Variants in CHD7 observed in about 807,000 individuals in gnomAD.
CHD7 encodes chromodomain helicase DNA binding protein 7, also known as ATP-dependent chromatin remodeler CHD7.
A neutral mutation model predicts 307.3 loss-of-function variants in CHD7; 24 were observed. The observed-to-expected ratio is 0.08, with a 90% CI of 0.06 to 0.11. CHD7 has a LOEUF of 0.11. Among genes scored for constraint, CHD7 ranks in the 10% least tolerant of loss-of-function variants. The pLI is 1.00. For missense variants in CHD7, 3,106 were observed against 3,727.1 expected, an observed-to-expected ratio of 0.83 and a Z score of 4.34; for synonymous variants, 1,363 against 1,349.9, an observed-to-expected ratio of 1.01 and a Z score of -0.21.
intron 2 of CHD7, among the ~76,000 whole-genome samples, chr8:60,774,251 T>G (rs980818510): frequency 6.6e-6 from 1 of 152,186 alleles, no homozygotes; most frequent in Non-Finnish European, 1.5e-5. Context: ...TGTGTAACTT[T>G]GGGTAAATTA....
chr8:60,712,586 T>C (rs1234102571), intron 1 of CHD7, among the ~76,000 whole-genome samples: 4 of 152,214 alleles, frequency 2.6e-5, no homozygotes, highest in African/African-American at 7.2e-5. Flanking sequence ...CCAGGTAGTA[T>C]AGTATTTTAT....
At chr8:60,740,486 A>C (rs1272308201) in intron 1 of CHD7, among the ~76,000 whole-genome samples, 1 of 152,208 alleles carries the variant, frequency 6.6e-6, no homozygotes, top group Non-Finnish European at 1.5e-5. Context: ...GTCAGTGCAG[A>C]CTGGGACCAT....
intron 1 of CHD7, among the ~76,000 whole-genome samples, chr8:60,707,924 C>T (rs1226034254): frequency 6.6e-6 from 1 of 152,100 alleles, no homozygotes; most frequent in African/African-American, 2.4e-5. Context: ...AATAAAATGC[C>T]GTGTATGTCT....
At chr8:60,814,339 C>T (rs1803626274) in intron 7 of CHD7, among the ~76,000 whole-genome samples, 1 of 152,234 alleles carries the variant, frequency 6.6e-6, no homozygotes, top group Admixed American at 6.5e-5. Context: ...AAGGCTTTTG[C>T]ACCTCAGCCA....
At chr8:60,751,430 A>G (rs1262509447) in intron 2 of CHD7, among the ~76,000 whole-genome samples, 1 of 152,222 alleles carries the variant, frequency 6.6e-6, no homozygotes, top group Admixed American at 6.5e-5. Flanking sequence ...GAAGTGGGTT[A>G]GGGGGACAAT....
rs769587871 is a variant in CHD7 at position 60,861,077 on chromosome 8, G to T, written c.7782G>T (p.Trp2594Cys). Reference sequence around the variant, plus strand: ...CTAAAAATAAGGATTTAGTTGAATGGCTGAAGCTGCACCCTACTTACACTG... The same window carrying T: ...CTAAAAATAAGGATTTAGTTGAATGTCTGAAGCTGCACCCTACTTACACTG... ...DAPKNKDLVE[W>C]LKLHPTYTVD... Residue 2594 changes from tryptophan (W) to cysteine (C), a missense_variant, in exon 35 of 38, where the codon TGG (tryptophan) becomes TGT (cysteine). Transcript: ENST00000423902. 1 of 1,611,312 alleles carries T rather than the reference G, an allele frequency of 6.2e-7. No individual in the cohort carries two copies. The highest frequency in any genetic ancestry group is 1.1e-5 in the South Asian group (1 of 90,510).
At chr8:60,818,285 A>G (rs1227733272) in intron 8 of CHD7, among the ~76,000 whole-genome samples, 1 of 152,238 alleles carries the variant, frequency 6.6e-6, no homozygotes, top group Admixed American at 6.5e-5. Flanking sequence ...AAAAATGTCT[A>G]TTCAAAAACA....
chr8:60,862,837 A>AT, intron 37 of CHD7, 185 bp downstream of exon 37: 1 of 511,960 alleles, frequency 2.0e-6, no homozygotes, highest in Non-Finnish European at 3.3e-6. Flanking sequence ...AAGTGAATTC[A>AT]TTTATCAGCT....
intron 13 of CHD7, among the ~76,000 whole-genome samples, chr8:60,826,854 A>G (rs988629258): frequency 1.3e-5 from 2 of 152,200 alleles, no homozygotes; most frequent in African/African-American, 4.8e-5. Flanking sequence ...TCTGCTTAAA[A>G]TGAAATTAAA....
chr8:60,687,486 T>C (rs1805967339), intron 1 of CHD7, among the ~76,000 whole-genome samples: 1 of 152,244 alleles, frequency 6.6e-6, no homozygotes, highest in Non-Finnish European at 1.5e-5. Context: ...GAAATTTTGC[T>C]TTCATTAATC....
Position 60,852,186 on chromosome 8 carries a change from C to G in CHD7, c.5833C>G (p.Arg1945Gly), listed in dbSNP as rs757160222. 9 of 1,613,782 alleles carry G rather than the reference C, an allele frequency of 5.6e-6. No homozygotes were observed. In the Admixed American group the frequency reaches 1.2e-4, roughly 21 times the overall value. ...GACTGACCGGCGCAGACGGCGGCCTCGAGAGGAAGTGAGAGCTCTGGAAGC... is the reference window on the plus strand; with the variant it reads ...GACTGACCGGCGCAGACGGCGGCCTGGAGAGGAAGTGAGAGCTCTGGAAGC... ...MKTDRRRRRP[R>G]EEVRALEAER... The change falls in exon 29 of 38, where the codon CGA becomes GGA. Residue 1945 changes from arginine (R) to glycine (G), a missense_variant. By Grantham distance (125) the Arg-to-Gly change is moderately radical (BLOSUM62 -2). Around this residue, in one of 10 missense-constraint regions of CHD7, gnomAD observed 1,030 missense variants for 1,165.4 expected, o/e 0.88. Coordinates refer to ENST00000423902, the MANE Select transcript of CHD7 (RefSeq NM_017780.4).
rs1273756434 is a variant in CHD7 at position 60,865,220 on chromosome 8, C to G, written c.8281C>G (p.Leu2761Val). 1 of 1,609,120 alleles carries G rather than the reference C, an allele frequency of 6.2e-7. No individual in the cohort carries two copies. Among genetic ancestry groups the G allele is most frequent in the Non-Finnish European group, 8.5e-7 (1 of 1,177,820 alleles). The change falls in exon 38 of 38, where the codon CTC becomes GTC. Residue 2761 changes from leucine (L) to valine (V), a missense_variant. This residue lies in a region of CHD7 where 351 missense variants were observed against 366.2 expected (regional missense o/e 0.96). Coordinates refer to ENST00000423902, the MANE Select transcript of CHD7 (RefSeq NM_017780.4). The surrounding 1 kb of genome is among the most constrained non-coding windows in gnomAD (Gnocchi z 4.3). ...AATGGACCTGACGAGCCTTCAGAAT[C>G]TCCAGAATCTCCAGTCGCTCCAGCT... ...AGMDLTSLQNLQNLQSLQLAG... is the reference protein window; with the variant it reads ...AGMDLTSLQNVQNLQSLQLAG...
chr8:60,704,184 A>G (rs1806903617), intron 1 of CHD7, among the ~76,000 whole-genome samples: 1 of 152,012 alleles, frequency 6.6e-6, no homozygotes, highest in Non-Finnish European at 1.5e-5. Flanking sequence ...TTGGCTATAG[A>G]ATTTATCGTT....
chr8:60,862,791 C>T (rs1424178924), intron 37 of CHD7, 139 bp downstream of exon 37: 6 of 614,436 alleles, frequency 9.8e-6, no homozygotes, highest in Non-Finnish European at 1.4e-5. Flanking sequence ...CATTTTCATA[C>T]ATCATTTCAT....
chr8:60,842,583 A>G (rs1320270587), intron 21 of CHD7, among the ~76,000 whole-genome samples: 1 of 152,180 alleles, frequency 6.6e-6, no homozygotes, highest in African/African-American at 2.4e-5. Flanking sequence ...TTATCTCTGA[A>G]TCACTGTGAT....
At chr8:60,808,494 A>T (rs1448822495) in intron 7 of CHD7, among the ~76,000 whole-genome samples, 1 of 152,238 alleles carries the variant, frequency 6.6e-6, no homozygotes, top group Non-Finnish European at 1.5e-5. Context: ...TCTGTGTATA[A>T]CCAATAAGTA....
rs532473279 is a variant in CHD7, at chr8:60,693,608, C to T, written c.-175+14526C>T. ...ATCGAGCCCCTGCTCAGCCCTCTCC[C>T]AGCTGGATTAGAATGTGGGTGGGAA... On this transcript the variant is annotated intron_variant, in intron 1 of 37. Transcript: ENST00000423902. Among the ~76,000 whole-genome samples, 11 of 152,354 alleles carry T rather than the reference C, an allele frequency of 7.2e-5. No individual in the cohort carries two copies. In the South Asian group the frequency reaches 2.1e-3, roughly 29 times the overall value.
chr8:60,805,906 C>A (rs28609390), intron 6 of CHD7, among the ~76,000 whole-genome samples: 80,140 of 151,952 alleles, frequency 0.53, 25,511 homozygotes, highest in East Asian at 0.79. Flanking sequence ...ATCAGAAGGG[C>A]AAAAGCTCAG....
chr8:60,696,918 AAGTT>A (rs1806508554), intron 1 of CHD7, among the ~76,000 whole-genome samples: 1 of 151,416 alleles, frequency 6.6e-6, no homozygotes, highest in Non-Finnish European at 1.5e-5. Flanking sequence ...GTTTTACAGT[AAGTT>A]ACGTTTAATT....
Sources: allele counts gnomAD v4.1 joint callset (sites outside exome capture counted in the v4.1 genomes callset), GRCh38; gene constraint gnomAD v4.1.1; regional missense constraint gnomAD v4.1.1; non-coding constraint Gnocchi (gnomAD v3.1); transcripts MANE v1.5; gene names NCBI Gene and HGNC (gene_info 2026-07-23, HGNC 2026-07-21).